CHODL: variants seen among roughly 807,000 people sequenced by gnomAD.
The protein encoded by CHODL is chondrolectin, also known as transmembrane protein MT75.
A neutral mutation model predicts 34.5 loss-of-function variants in CHODL; 29 were observed. The ratio of observed to expected loss-of-function variants is 0.84; its 90% CI spans 0.63 to 1.15. CHODL has a LOEUF of 1.15. Among genes scored for constraint, CHODL ranks in the 50% most tolerant of loss-of-function variants. CHODL has a pLI of 0.00. For synonymous variants in CHODL, 125 were observed against 116.1 expected, an observed-to-expected ratio of 1.08 and a Z score of -0.49; for missense variants, 332 against 332.5, an observed-to-expected ratio of 1.00 and a Z score of 0.01.
chr21:17,947,411 C>G (rs1402680035), intron 1 of CHODL, among the ~76,000 whole-genome samples: 2 of 151,996 alleles, frequency 1.3e-5, no homozygotes, highest in Non-Finnish European at 2.9e-5. Flanking sequence ...AGCTCCCAAA[C>G]AGCAAAAGAA....
intron 5 of CHODL, among the ~76,000 whole-genome samples, chr21:18,265,566 G>A (rs905302556): frequency 1.3e-5 from 2 of 151,858 alleles, no homozygotes; most frequent in African/African-American, 2.4e-5. Context: ...TACAAATTGG[G>A]TACAGTGTAT....
At chr21:18,063,722 A>C (rs2064696781) in intron 2 of CHODL, among the ~76,000 whole-genome samples, 1 of 152,206 alleles carries the variant, frequency 6.6e-6, no homozygotes, top group African/African-American at 2.4e-5. Context: ...TGTATGATTG[A>C]ATAATTATGT....
intron 2 of CHODL, among the ~76,000 whole-genome samples, chr21:18,148,884 CAA>C (rs11285949): frequency 3.0e-3 from 421 of 139,914 alleles, no homozygotes; most frequent in Non-Finnish European, 3.5e-3. Flanking sequence ...TATTGGCTGT[CAA>C]AAAAAAAAAA....
At chr21:18,147,385 C>G (rs577822078) in intron 2 of CHODL, among the ~76,000 whole-genome samples, 1 of 152,324 alleles carries the variant, frequency 6.6e-6, no homozygotes, top group Admixed American at 6.5e-5. Context: ...GCTTCCTGTT[C>G]TTTGGTTCTT....
rs142598012 is a variant in CHODL, at chr21:18,209,751, C to G, written c.-44-46758C>G. Among the ~76,000 whole-genome samples, 60 of 152,200 alleles carry G rather than the reference C, an allele frequency of 3.9e-4. 2 individuals are homozygous for G. In the South Asian group the frequency reaches 8.5e-3, roughly 22 times the overall value. ...TTTAGTCAGCAGATGAGGAATCTTTCCAGGACTGGGTTCTTCCCTTCAAGG... is the reference window on the plus strand; with the variant it reads ...TTTAGTCAGCAGATGAGGAATCTTTGCAGGACTGGGTTCTTCCCTTCAAGG... On this transcript the variant is annotated intron_variant, in intron 2 of 6. Coordinates refer to the CHODL transcript ENST00000400127.
chr21:18,204,021 C>A (rs1284495199), intron 2 of CHODL, among the ~76,000 whole-genome samples: 4 of 152,058 alleles, frequency 2.6e-5, no homozygotes, highest in Non-Finnish European at 5.9e-5. Context: ...AACATAGTGT[C>A]TTTTATTACC....
intron 1 of CHODL, among the ~76,000 whole-genome samples, chr21:17,996,218 C>T (rs1395888016): frequency 1.3e-5 from 2 of 152,080 alleles, no homozygotes; most frequent in Non-Finnish European, 2.9e-5. Context: ...GATCAAATAC[C>T]TCCTGTTGGT....
intron 2 of CHODL, among the ~76,000 whole-genome samples, chr21:18,145,175 G>T (rs935827226): frequency 1.3e-5 from 2 of 151,226 alleles, no homozygotes; most frequent in Non-Finnish European, 3.0e-5. Flanking sequence ...GGTGGCTCAG[G>T]CCTGTAATCC....
At chr21:17,982,236 G>A (rs369524348) in intron 1 of CHODL, among the ~76,000 whole-genome samples, 6 of 152,186 alleles carry the variant, frequency 3.9e-5, no homozygotes, top group African/African-American at 1.4e-4. Flanking sequence ...GAGAAGAGCT[G>A]TACCTTTCAA....
chr21:17,977,918 C>CAAA (rs57837589), intron 1 of CHODL, among the ~76,000 whole-genome samples: 1 of 68,994 alleles, frequency 1.4e-5, no homozygotes, highest in African/African-American at 6.6e-5. Context: ...ACTCCCATCT[C>CAAA]AAAAAAAAAA....
intron 2 of CHODL, among the ~76,000 whole-genome samples, chr21:18,041,346 G>A (rs966386536): frequency 4.6e-5 from 7 of 151,856 alleles, no homozygotes; most frequent in Admixed American, 4.6e-4. Context: ...ACTCAACTGT[G>A]TGATGAAAAT....
chr21:18,186,871 C>A, intron 2 of CHODL, among the ~76,000 whole-genome samples: 1 of 152,050 alleles, frequency 6.6e-6, no homozygotes, highest in East Asian at 1.9e-4. Flanking sequence ...TAGATAAGTC[C>A]TAATAATGTC....
intron 1 of CHODL, among the ~76,000 whole-genome samples, chr21:17,985,345 C>T (rs1418047958): frequency 6.6e-6 from 1 of 152,142 alleles, no homozygotes; most frequent in Non-Finnish European, 1.5e-5. Flanking sequence ...ATTGAGTTAT[C>T]TGCTTCTCAA....
chr21:18,160,203 A>G (rs1034026684), intron 2 of CHODL, among the ~76,000 whole-genome samples: 19 of 152,236 alleles, frequency 1.2e-4, no homozygotes, highest in Non-Finnish European at 2.5e-4. Context: ...AGTGATCTAC[A>G]CAGGGTTACA....
At chr21:18,221,280 C>A (rs1601165119) in intron 2 of CHODL, among the ~76,000 whole-genome samples, 5 of 152,002 alleles carry the variant, frequency 3.3e-5, no homozygotes, top group Non-Finnish European at 7.4e-5. Context: ...TCATTGAGAT[C>A]ATTGTTTTCC....
At chr21:18,158,706 C>G (rs922822666) in intron 2 of CHODL, among the ~76,000 whole-genome samples, 1 of 151,918 alleles carries the variant, frequency 6.6e-6, no homozygotes, top group Non-Finnish European at 1.5e-5. Context: ...GGTGTGGTGG[C>G]AGGTGCCTGT....
intron 1 of CHODL, among the ~76,000 whole-genome samples, chr21:17,939,918 G>T (rs1279239331): frequency 6.6e-6 from 1 of 152,164 alleles, no homozygotes. Context: ...TGAAAAAGTG[G>T]AGGGTGTACA....
At chr21:18,252,906 A>G (rs2074274666) in intron 1 of CHODL, among the ~76,000 whole-genome samples, 1 of 151,984 alleles carries the variant, frequency 6.6e-6, no homozygotes. Context: ...TATTATCCAC[A>G]ACCAGAGACA....
chr21:18,178,552 A>G lies in CHODL; in HGVS notation c.-44-77957A>G. 1.3e-5 allele frequency among the ~76,000 whole-genome samples: 2 copies of G among 152,218 alleles called. 1 individual carries two copies. Among genetic ancestry groups the G allele is most frequent in the Non-Finnish European group, 2.9e-5 (2 of 68,040 alleles). Reference sequence around the variant, plus strand: ...GATAACATAAACTATTGATTAACACATATTTTATCTGTTACATGTATTATA... The same window carrying G: ...GATAACATAAACTATTGATTAACACGTATTTTATCTGTTACATGTATTATA... On this transcript the variant is annotated intron_variant, in intron 2 of 6. Transcript: ENST00000400127.
Sources: gnomAD v4.1 joint callset for allele counts (sites outside exome capture counted in the v4.1 genomes callset) on GRCh38, gnomAD v4.1.1 for gene constraint, MANE v1.5 for transcripts, NCBI Gene and HGNC (gene_info 2026-07-23, HGNC 2026-07-21) for gene names.